Variants in IPCEF1 observed in about 807,000 individuals in gnomAD.
IPCEF1 encodes the protein interactor protein for cytohesin exchange factors 1.
A neutral mutation model predicts 50.9 loss-of-function variants in IPCEF1; 31 were observed. The ratio of observed to expected loss-of-function variants is 0.61; its 90% CI spans 0.46 to 0.82. The LOEUF is 0.82. Ranked by LOEUF, IPCEF1 falls within the 40% of genes least tolerant of loss-of-function variation. The pLI, the probability that IPCEF1 is intolerant of heterozygous loss-of-function variation, is 0.00. For missense variants in IPCEF1, 458 were observed against 514.0 expected (o/e 0.89, Z 1.05); for synonymous variants, 181 against 192.0 (o/e 0.94, Z 0.47).
At chr6:154,224,049 G>A (rs1251130313) in intron 5 of IPCEF1, among the ~76,000 whole-genome samples, 1 of 152,198 alleles carries the variant, frequency 6.6e-6, no homozygotes, top group African/African-American at 2.4e-5. Context: ...CCACAACAAA[G>A]CTAGATTGTT....
intron 2 of IPCEF1, among the ~76,000 whole-genome samples, chr6:154,284,241 G>A (rs1782298497): frequency 6.6e-6 from 1 of 152,150 alleles, no homozygotes; most frequent in African/African-American, 2.4e-5. Flanking sequence ...TAAAAAATGT[G>A]AAGTTAATTT....
In IPCEF1 at chr6:154,176,448, T is replaced by C. The variant is rs56063182; in HGVS notation, c.911-8335A>G. Reference sequence around the variant, plus strand: ...CCCATCATCTCAGCCCAAAATCTCCTTAAGCTGATAAGCAACTTCAGCAAA... The same window carrying C: ...CCCATCATCTCAGCCCAAAATCTCCCTAAGCTGATAAGCAACTTCAGCAAA... On this transcript the variant is annotated intron_variant, in intron 10 of 11. Transcript: ENST00000367220. Among the ~76,000 whole-genome samples the C allele has an allele frequency of 1.4e-4, 21 of 152,336 alleles. 1 individual carries two copies. The highest frequency in any genetic ancestry group is 3.3e-4 in the Admixed American group (5 of 15,306).
chr6:154,158,276 A>C lies in IPCEF1; in HGVS notation c.*1552T>G, dbSNP rs1156907066. The C allele has an allele frequency of 6.6e-6, 1 of 152,220 alleles. No homozygotes were observed. The highest frequency in any genetic ancestry group is 1.5e-5 in the Non-Finnish European group (1 of 68,040). The allele number at this position is 152,220 out of a possible 1,614,324, so 9.4% of individuals were successfully genotyped here. A position where few individuals can be genotyped will look rare whatever the true frequency, so the allele number is the denominator to read the frequency against. The stretch of plus-strand genomic sequence containing the variant: ...CAATTTGTTACGGGTAGGCAGGGCC[A>C]ACATGGGTACTTGGTGGGTTGTGGT... On this transcript the variant is annotated 3_prime_UTR_variant, in exon 12 of 12. Coordinates refer to ENST00000367220, the MANE Select transcript of IPCEF1 (RefSeq NM_001130700.2).
intron 3 of IPCEF1, among the ~76,000 whole-genome samples, chr6:154,260,476 CT>C (rs34318796): frequency 0.36 from 52,298 of 144,176 alleles, 9,451 homozygotes; most frequent in Middle Eastern, 0.48. Context: ...GACCAGAGAA[CT>C]TTTTTTTTTT....
At chr6:154,199,185 TTC>T (rs1185667644) in intron 10 of IPCEF1, among the ~76,000 whole-genome samples, 24 of 152,370 alleles carry the variant, frequency 1.6e-4, no homozygotes. Context: ...ATTGTCTGTC[TTC>T]CCATCAACCA....
intron 1 of IPCEF1, among the ~76,000 whole-genome samples, chr6:154,328,320 C>G (rs999575238): frequency 6.6e-6 from 1 of 152,114 alleles, no homozygotes; most frequent in Non-Finnish European, 1.5e-5. Flanking sequence ...GCCCAGTGCT[C>G]TGTCAAAAAA....
At chr6:154,353,822 A>G (rs183247888) in intron 1 of IPCEF1, among the ~76,000 whole-genome samples, 3 of 152,336 alleles carry the variant, frequency 2.0e-5, no homozygotes, top group East Asian at 3.9e-4. Flanking sequence ...TTTTGGACTT[A>G]GCATTACATC....
intron 5 of IPCEF1, among the ~76,000 whole-genome samples, chr6:154,226,744 A>G (rs997407640): frequency 4.6e-5 from 7 of 152,188 alleles, no homozygotes; most frequent in African/African-American, 1.4e-4. Context: ...TTCTGATTAA[A>G]TACCCTGCAT....
At position 154,167,948 on chromosome 6, in the gene IPCEF1, T is replaced by C; in HGVS notation, c.1076A>G (p.Lys359Arg). 6.3e-7 allele frequency: 1 copy of C among 1,599,578 alleles called. No individual in the cohort carries two copies. Among genetic ancestry groups the C allele is most frequent in the Non-Finnish European group, 8.6e-7 (1 of 1,168,368 alleles). The change falls in exon 11 of 12, where the codon AAA becomes AGA. Residue 359 changes from lysine to arginine, a missense_variant. By Grantham distance (26) the Lys-to-Arg change is conservative (BLOSUM62 2). Coordinates refer to ENST00000367220, the MANE Select transcript of IPCEF1 (RefSeq NM_001130700.2). The part of the protein sequence containing the change: ...KNPSINEKLH[K>R]IRTLNSTLKC... ...TAATGTGCTATTCAATGTTCGGATT[T>C]TGTGGAGTTTCTCGTTTATAGATGG...
chr6:154,223,042 A>G, intron 6 of IPCEF1, 128 bp downstream of exon 6: 1 of 762,730 alleles, frequency 1.3e-6, no homozygotes, highest in South Asian at 1.6e-5. Context: ...GCCAACCCAT[A>G]ATGCTTCAAA....
intron 2 of IPCEF1, among the ~76,000 whole-genome samples, chr6:154,288,667 CAAAAAA>C (rs552235190): frequency 2.0e-4 from 22 of 112,646 alleles, no homozygotes; most frequent in Admixed American, 7.8e-4. Context: ...GTCTAAAAAA[CAAAAAA>C]AACAAAAAAA....
chr6:154,309,402 C>A (rs1451389921), intron 1 of IPCEF1, among the ~76,000 whole-genome samples: 1 of 152,096 alleles, frequency 6.6e-6, no homozygotes, highest in African/African-American at 2.4e-5. Context: ...TTAATGACAC[C>A]CAACCGATGG....
intron 4 of IPCEF1, 38 bp downstream of exon 4, chr6:154,247,411 A>T (rs34434346): frequency 6.3e-7 from 1 of 1,578,542 alleles, no homozygotes; most frequent in South Asian, 1.1e-5. Flanking sequence ...CTCAACGTAC[A>T]CAAAATGGAG....
At chr6:154,280,163 G>A (rs1782170188) in intron 2 of IPCEF1, among the ~76,000 whole-genome samples, 2 of 152,238 alleles carry the variant, frequency 1.3e-5, no homozygotes, top group Non-Finnish European at 2.9e-5. Flanking sequence ...TACATGCATA[G>A]TCTATGCCCA....
intron 2 of IPCEF1, among the ~76,000 whole-genome samples, chr6:154,272,636 G>T (rs1781927068): frequency 6.6e-6 from 1 of 152,190 alleles, no homozygotes; most frequent in African/African-American, 2.4e-5. Flanking sequence ...CAATTTCAAA[G>T]AAGAGATTTT....
chr6:154,327,903 A>T (rs1783560667), intron 1 of IPCEF1, among the ~76,000 whole-genome samples: 1 of 152,212 alleles, frequency 6.6e-6, no homozygotes. Flanking sequence ...AGAAGGAAGG[A>T]GATCACGTCC....
intron 10 of IPCEF1, among the ~76,000 whole-genome samples, chr6:154,188,935 C>CA (rs60712490): frequency 0.08 from 11,966 of 149,650 alleles, 969 homozygotes; most frequent in East Asian, 0.43. Flanking sequence ...TTCTTGATAC[C>CA]AAAAAAAAGC....
chr6:154,303,056 G>T (rs1322565117), intron 1 of IPCEF1, among the ~76,000 whole-genome samples: 3 of 149,018 alleles, frequency 2.0e-5, no homozygotes, highest in African/African-American at 7.4e-5. Context: ...GTTCCCATCA[G>T]ATTTTGAACG....
chr6:154,310,527 G>A (rs147711293), intron 1 of IPCEF1, among the ~76,000 whole-genome samples: 123 of 152,218 alleles, frequency 8.1e-4, no homozygotes, highest in Non-Finnish European at 1.5e-3. Flanking sequence ...CTAGCAATCC[G>A]TATTCTGGGT....
Sources: allele counts gnomAD v4.1 joint callset (sites outside exome capture counted in the v4.1 genomes callset), GRCh38; gene constraint gnomAD v4.1.1; transcripts MANE v1.5; gene names NCBI Gene and HGNC (gene_info 2026-07-23, HGNC 2026-07-21).